NPHP3: variants seen among roughly 807,000 people sequenced by gnomAD.
NPHP3 encodes nephrocystin 3.
In NPHP3, 123 loss-of-function variants were observed where a neutral mutation model predicts 171.9. The ratio of observed to expected loss-of-function variants is 0.72; its 90% CI spans 0.62 to 0.83. The LOEUF is 0.83. Ranked by LOEUF, NPHP3 falls within the 40% of genes least tolerant of loss-of-function variation. The probability of loss-of-function intolerance (pLI) is 0.00; values close to 1 mark genes in which losing one functional copy is unlikely to be tolerated. For missense variants in NPHP3, 1,506 were observed against 1,591.9 expected, an observed-to-expected ratio of 0.95 and a Z score of 0.92; for synonymous variants, 558 against 579.2, an observed-to-expected ratio of 0.96 and a Z score of 0.52.
chr3:132,690,429 T>TA (rs1939270101), intron 19 of NPHP3, 99 bp downstream of exon 19: 9 of 1,145,820 alleles, frequency 7.9e-6, no homozygotes, highest in Middle Eastern at 2.8e-4. Flanking sequence ...TTCAGATACT[T>TA]AGACTAATTT....
intron 8 of NPHP3, among the ~76,000 whole-genome samples, chr3:132,704,826 A>T (rs1451119459): frequency 6.6e-6 from 1 of 152,204 alleles, no homozygotes; most frequent in Non-Finnish European, 1.5e-5. Flanking sequence ...TTCAAGCACT[A>T]ATGATGGTAA....
Position 132,722,407 on chromosome 3 carries a change from A to C in NPHP3, c.-52T>G. On this transcript the variant is annotated 5_prime_UTR_variant, in exon 1 of 27. Coordinates refer to ENST00000337331, the MANE Select transcript of NPHP3 (RefSeq NM_153240.5). ...GAGTACCAGCAGGACTGGGCAGCGG[A>C]ACGGAACGGGACGGGGTGGGGCAGA... 3 of 1,397,712 alleles carry C rather than the reference A, an allele frequency of 2.1e-6. No homozygotes were observed. Among genetic ancestry groups the C allele is most frequent in the Non-Finnish European group, 2.9e-6 (3 of 1,042,932 alleles). 86.6% of individuals were successfully genotyped at this position (1,397,712 alleles called of 1,614,324 possible).
chr3:132,720,440 C>A (rs115099267), intron 1 of NPHP3, among the ~76,000 whole-genome samples: 5 of 152,126 alleles, frequency 3.3e-5, no homozygotes, highest in Non-Finnish European at 5.9e-5. Flanking sequence ...CCTTTTCTAC[C>A]CCCACCTCAC....
chr3:132,691,854 C>T (rs1939307887), intron 17 of NPHP3, among the ~76,000 whole-genome samples: 1 of 152,196 alleles, frequency 6.6e-6, no homozygotes, highest in Non-Finnish European at 1.5e-5. Context: ...CCAAAGTCCG[C>T]CTGGGGCTTA....
intron 6 of NPHP3, among the ~76,000 whole-genome samples, chr3:132,710,518 C>T (rs1429684092): frequency 1.3e-5 from 2 of 152,166 alleles, no homozygotes; most frequent in East Asian, 3.8e-4. Flanking sequence ...AAGGGAGAGG[C>T]ACCTCTCCTT....
Position 132,684,652 on chromosome 3 carries a change from A to G in NPHP3, c.3472T>C (p.Tyr1158His), listed in dbSNP as rs1445063040. Residue 1158 changes from tyrosine to histidine, a missense_variant, in exon 24 of 27, where the codon TAT (tyrosine) becomes CAT (histidine). Physicochemically the swap from Tyr to His is moderately conservative, Grantham distance 83. Coordinates refer to ENST00000337331, the MANE Select transcript of NPHP3 (RefSeq NM_153240.5). ...CTCCGAATATCTAAAGCTCTTTCAT[A>G]AAGTTCTTCTGCTTTATCATACTGT... ...KKQYDKAEEL[Y>H]ERALDIRRRA... 4 of 1,614,090 alleles carry G rather than the reference A, an allele frequency of 2.5e-6. No homozygotes were observed. In the South Asian group the frequency reaches 3.3e-5, roughly 13 times the overall value.
At position 132,682,025 on chromosome 3, in the gene NPHP3, G is replaced by C. The variant is rs773348737; in HGVS notation, c.3878C>G (p.Ala1293Gly). 5.6e-6 allele frequency: 9 copies of C among 1,613,890 alleles called. No individual in the cohort carries two copies. ...LYKRAMEIKEAETSLLGGKAP... is the reference protein window; with the variant it reads ...LYKRAMEIKEGETSLLGGKAP... Reference sequence around the variant, plus strand: ...TTTTCCACCCAAGAGTGATGTTTCTGCTTCTTTTATTTCCATTGCCCTTTT... The same window carrying C: ...TTTTCCACCCAAGAGTGATGTTTCTCCTTCTTTTATTTCCATTGCCCTTTT... The change falls in exon 27 of 27, where the codon GCA (alanine) becomes GGA (glycine). Residue 1293 changes from alanine to glycine, a missense_variant. Physicochemically the swap from Ala to Gly is moderately conservative, Grantham distance 60 (BLOSUM62 0). Coordinates refer to ENST00000337331, the MANE Select transcript of NPHP3 (RefSeq NM_153240.5).
At position 132,699,352 on chromosome 3, in the gene NPHP3, C is replaced by T. The variant is rs1553773271; in HGVS notation, c.1985+1G>A. 2 of 1,602,056 alleles carry T rather than the reference C, an allele frequency of 1.2e-6. No homozygotes were observed. Among genetic ancestry groups the T allele is most frequent in the Middle Eastern group, 1.7e-4 (1 of 6,050 alleles). On this transcript the variant is annotated splice_donor_variant, in intron 13 of 26. Coordinates refer to ENST00000337331, the MANE Select transcript of NPHP3 (RefSeq NM_153240.5). LOFTEE classifies it high-confidence loss of function. ...TGAAAGAACTAAAGTTGGCATCGTA[C>T]CTCCATGCTGGAGGGCATGTTTCTA... is the stretch of plus-strand genomic sequence containing the variant.
chr3:132,685,821 G>C lies in NPHP3; in HGVS notation c.3329+439C>G, dbSNP rs577899032. ...AATCCTAGCACTTTGGGAAGCCAAG[G>C]CGGGCAGATCACGAGGTCAGGAGAT... is the stretch of plus-strand genomic sequence containing the variant. On this transcript the variant is annotated intron_variant, in intron 23 of 26. Coordinates refer to ENST00000337331, the MANE Select transcript of NPHP3 (RefSeq NM_153240.5). The C allele has an allele frequency of 1.5e-4, 26 of 178,250 alleles. No individual in the cohort carries two copies. The South Asian group carries it at 3.1e-3, about 21-fold the overall frequency. The allele number at this position is 178,250 out of a possible 1,614,324, so 11.0% of individuals were successfully genotyped here. A position where few individuals can be genotyped will look rare whatever the true frequency, so the allele number is the denominator to read the frequency against.
At position 132,683,432 on chromosome 3, in the gene NPHP3, G is replaced by C. The variant is rs112144165; in HGVS notation, c.3663C>G (p.Ala1221=). The change falls in exon 25 of 27, where the codon GCC becomes GCG. Residue 1221 remains alanine, a synonymous_variant. Coordinates refer to ENST00000337331, the MANE Select transcript of NPHP3 (RefSeq NM_153240.5). ...TATAAAGAACAGCTAAGTTCACCAA[G>C]GCAGTAGCTACACTAGGGTGCTTTG... ...FGPKHPSVAT[A]LVNLAVLYSQ... 6.2e-7 allele frequency: 1 copy of C among 1,613,054 alleles called. No individual in the cohort carries two copies. Among genetic ancestry groups the C allele is most frequent in the Admixed American group, 1.7e-5 (1 of 59,986 alleles).
intron 6 of NPHP3, chr3:132,712,570 T>A (rs1939941235): frequency 2.3e-6 from 1 of 429,246 alleles, no homozygotes; most frequent in South Asian, 1.7e-5. Context: ...ATTGAGACCA[T>A]CCTGGCTAGC....
At chr3:132,683,785 C>A (rs180978343) in intron 24 of NPHP3, among the ~76,000 whole-genome samples, 42 of 152,326 alleles carry the variant, frequency 2.8e-4, no homozygotes, top group Non-Finnish European at 5.6e-4. Flanking sequence ...AAAAACATAT[C>A]AGCTGAAGTA....
chr3:132,684,896 T>C (rs1215965099), intron 23 of NPHP3, 102 bp from the exon 24 acceptor site: 5 of 1,383,390 alleles, frequency 3.6e-6, no homozygotes, highest in Non-Finnish European at 5.0e-6. Flanking sequence ...TATTCTTAGA[T>C]TCTAGTTAAA....
chr3:132,688,084 A>G (rs1370681735), intron 21 of NPHP3, among the ~76,000 whole-genome samples: 1 of 152,210 alleles, frequency 6.6e-6, no homozygotes, highest in Non-Finnish European at 1.5e-5. Context: ...AAATGCTCCA[A>G]AATCAGAAGC....
Position 132,684,662 on chromosome 3 carries a change from T to C in NPHP3, c.3462A>G (p.Ala1154=). 6.2e-7 allele frequency: 1 copy of C among 1,614,102 alleles called. No homozygotes were observed. Among genetic ancestry groups the C allele is most frequent in the Non-Finnish European group, 8.5e-7 (1 of 1,179,982 alleles). The part of the protein sequence containing the change: ...LCNEKKQYDK[A]EELYERALDI... ...CTAAAGCTCTTTCATAAAGTTCTTC[T>C]GCTTTATCATACTGTTTCTTTTCAT... The change falls in exon 24 of 27, where the codon GCA becomes GCG. Residue 1154 remains alanine (A), a synonymous_variant. Coordinates refer to ENST00000337331, the MANE Select transcript of NPHP3 (RefSeq NM_153240.5).
rs1326134764 is a variant in NPHP3, at chr3:132,696,718, A to G, written c.2171+13T>C. On this transcript the variant is annotated intron_variant, in intron 15 of 26. Coordinates refer to ENST00000337331, the MANE Select transcript of NPHP3 (RefSeq NM_153240.5). Reference sequence around the variant, plus strand: ...AAACATGCAGAAGATCATGTAAAATAATCACCACTCACCGCGCGATCATTT... The same window carrying G: ...AAACATGCAGAAGATCATGTAAAATGATCACCACTCACCGCGCGATCATTT... The G allele has an allele frequency of 6.2e-7, 1 of 1,611,742 alleles. No individual in the cohort carries two copies. Among genetic ancestry groups the G allele is most frequent in the Non-Finnish European group, 8.5e-7 (1 of 1,177,920 alleles).
At chr3:132,703,134 T>C (rs1340103020) in intron 9 of NPHP3, among the ~76,000 whole-genome samples, 8 of 152,244 alleles carry the variant, frequency 5.3e-5, no homozygotes, top group Non-Finnish European at 8.8e-5. Context: ...TCTGATTTAA[T>C]CCTTGCAACA....
chr3:132,712,163 A>G (rs1939926891), intron 6 of NPHP3, among the ~76,000 whole-genome samples: 1 of 152,354 alleles, frequency 6.6e-6, no homozygotes, highest in East Asian at 1.9e-4. Context: ...TTATATTCAC[A>G]TTATAAGAAC....
At position 132,697,831 on chromosome 3, in the gene NPHP3, GAC is replaced by G. The variant is rs140338497; in HGVS notation, c.1986-471_1986-470del. ...TCTTTTTATGTATAAAGTACACATA[GAC>G]ACATATATCTATATACACAAGCTGA... On this transcript the variant is annotated intron_variant, in intron 13 of 26. Transcript: ENST00000337331. 6.8e-3 allele frequency among the ~76,000 whole-genome samples: 1,038 copies of G among 152,232 alleles called. 16 individuals carry two copies. The highest frequency in any genetic ancestry group is 0.024 in the African/African-American group (988 of 41,546).
Sources: allele counts gnomAD v4.1 joint callset (sites outside exome capture counted in the v4.1 genomes callset), GRCh38; gene constraint gnomAD v4.1.1; transcripts MANE v1.5; gene names NCBI Gene and HGNC (gene_info 2026-07-23, HGNC 2026-07-21).